The following PIKFYVE variants were observed in gnomAD, a reference collection of about 807,000 sequenced individuals.
The protein encoded by PIKFYVE is 1-phosphatidylinositol 3-phosphate 5-kinase.
In PIKFYVE, 122 loss-of-function variants were observed where a neutral mutation model predicts 257.9. That is an observed-to-expected ratio of 0.47 (90% CI 0.41 to 0.55). The LOEUF (loss-of-function observed/expected upper bound fraction) is 0.55, where lower values mean the gene tolerates loss of function less well. Ranked by LOEUF, PIKFYVE falls within the 20% of genes least tolerant of loss-of-function variation. The pLI is 0.00. For synonymous variants in PIKFYVE, 892 were observed against 868.9 expected, an observed-to-expected ratio of 1.03 and a Z score of -0.47; for missense variants, 2,160 against 2,536.6, an observed-to-expected ratio of 0.85 and a Z score of 3.19.
rs183985457 is a variant in PIKFYVE at position 208,317,609 on chromosome 2, A to G, written c.2008-258A>G. ...AACTTAAACAATAGTGTTAACTGCC[A>G]CATGGCACTAGTTTATTCAGTCAGT... On this transcript the variant is annotated intron_variant, in intron 15 of 41. Coordinates refer to ENST00000264380, the MANE Select transcript of PIKFYVE (RefSeq NM_015040.4). Among the ~76,000 whole-genome samples, 15 of 152,350 alleles carry G rather than the reference A, an allele frequency of 9.8e-5. No individual in the cohort carries two copies. In the East Asian group the frequency reaches 2.5e-3, roughly 25 times the overall value.
Position 208,312,307 on chromosome 2 carries a change from A to T in PIKFYVE, c.1696+12A>T, listed in dbSNP as rs760153080. On this transcript the variant is annotated intron_variant, in intron 13 of 41. Transcript: ENST00000264380. ...CGCTTTCATCAAAGGTAATTTTATA[A>T]AAAGCTGTATGTGGAATGGTGTCTC... The T allele has an allele frequency of 6.3e-7, 1 of 1,593,552 alleles. No homozygotes were observed. The highest frequency in any genetic ancestry group is 8.6e-7 in the Non-Finnish European group (1 of 1,163,964).
intron 20 of PIKFYVE, among the ~76,000 whole-genome samples, chr2:208,327,425 T>A (rs1697057017): frequency 1.3e-5 from 2 of 152,198 alleles, no homozygotes; most frequent in Admixed American, 1.3e-4. Flanking sequence ...CAAAGATGTT[T>A]ATTGAAACAG....
At chr2:208,337,251 T>C (rs1698224148) in intron 28 of PIKFYVE, among the ~76,000 whole-genome samples, 1 of 152,148 alleles carries the variant, frequency 6.6e-6, no homozygotes, top group Non-Finnish European at 1.5e-5. Context: ...AGGGTGCTCA[T>C]TTATTTTATA....
intron 36 of PIKFYVE, among the ~76,000 whole-genome samples, chr2:208,350,514 T>A (rs1017838411): frequency 1.3e-5 from 2 of 152,080 alleles, no homozygotes; most frequent in Non-Finnish European, 2.9e-5. Flanking sequence ...TAGAACTGAG[T>A]CTTTTTTTTA....
At chr2:208,323,060 G>A (rs970315767) in intron 17 of PIKFYVE, among the ~76,000 whole-genome samples, 1 of 150,864 alleles carries the variant, frequency 6.6e-6, no homozygotes, top group Non-Finnish European at 1.5e-5. Context: ...ATTCCATGGT[G>A]TGTATGTGCC....
chr2:208,311,709 C>T (rs925266929), intron 12 of PIKFYVE, among the ~76,000 whole-genome samples: 5 of 152,164 alleles, frequency 3.3e-5, no homozygotes, highest in Non-Finnish European at 5.9e-5. Context: ...AATACAAATA[C>T]TGATGAGTTT....
At chr2:208,335,523 G>T in intron 25 of PIKFYVE, 104 bp downstream of exon 25, 1 of 1,004,428 alleles carries the variant, frequency 1.0e-6, no homozygotes, top group Non-Finnish European at 1.5e-6. Flanking sequence ...TTTTCTAATT[G>T]TATGCTATGC....
intron 17 of PIKFYVE, among the ~76,000 whole-genome samples, chr2:208,322,236 G>A (rs146333274): frequency 1.3e-5 from 2 of 151,804 alleles, no homozygotes; most frequent in Non-Finnish European, 2.9e-5. Flanking sequence ...AAAAAATTAG[G>A]CAGGCATGGT....
At chr2:208,308,709 GTT>G (rs34169884) in intron 12 of PIKFYVE, among the ~76,000 whole-genome samples, 4 of 140,528 alleles carry the variant, frequency 2.8e-5, no homozygotes, top group African/African-American at 7.9e-5. Context: ...CTAGTAGTTG[GTT>G]TTTTTTTTTT....
chr2:208,291,130 A>G (rs996893645), intron 7 of PIKFYVE, among the ~76,000 whole-genome samples: 1 of 152,082 alleles, frequency 6.6e-6, no homozygotes, highest in African/African-American at 2.4e-5. Context: ...TGTTAGCTGT[A>G]TGTTGTTTTT....
intron 39 of PIKFYVE, 97 bp downstream of exon 39, chr2:208,352,879 T>TA: frequency 6.9e-7 from 1 of 1,453,632 alleles, no homozygotes; most frequent in South Asian, 1.2e-5. Context: ...TCTTATTTTA[T>TA]AGTAAATATT....
intron 5 of PIKFYVE, among the ~76,000 whole-genome samples, chr2:208,281,631 C>T (rs1334002145): frequency 6.6e-6 from 1 of 152,132 alleles, no homozygotes; most frequent in Non-Finnish European, 1.5e-5. Context: ...CAGTGTCTTG[C>T]AAGGCAGCTA....
At chr2:208,298,138 TG>T (rs1393610056) in intron 7 of PIKFYVE, among the ~76,000 whole-genome samples, 1 of 152,192 alleles carries the variant, frequency 6.6e-6, no homozygotes, top group Non-Finnish European at 1.5e-5. Flanking sequence ...TCTTAGTTCA[TG>T]GGCTATACAG....
rs1184823829 is a variant in PIKFYVE at position 208,355,344 on chromosome 2, G to A, written c.*39G>A. The A allele has an allele frequency of 6.5e-7, 1 of 1,527,618 alleles. No individual in the cohort carries two copies. Among genetic ancestry groups the A allele is most frequent in the Non-Finnish European group, 9.1e-7 (1 of 1,102,384 alleles). The allele number at this position is 1,527,618 out of a possible 1,614,324, so 94.6% of individuals were successfully genotyped here. A position where few individuals can be genotyped will look rare whatever the true frequency, so the allele number is the denominator to read the frequency against. On this transcript the variant is annotated 3_prime_UTR_variant, in exon 42 of 42. Transcript: ENST00000264380. The stretch of plus-strand genomic sequence containing the variant: ...TTTTGAAATGGACTGTGAAGGAAAA[G>A]GGGACAGGAACAAAGGACCAAAAAT...
chr2:208,273,894 T>G lies in PIKFYVE; in HGVS notation c.322+161T>G, dbSNP rs938047109. 3 of 1,369,376 alleles carry G rather than the reference T, an allele frequency of 2.2e-6. No individual in the cohort carries two copies. The African/African-American group carries it at 4.3e-5, about 20-fold the overall frequency. 84.8% of individuals were successfully genotyped at this position (1,369,376 alleles called of 1,614,324 possible). A position where few individuals can be genotyped will look rare whatever the true frequency, so the allele number is the denominator to read the frequency against. ...TACTGTTTAGAGTAAATAAAACTCT[T>G]ACCTCGGTAGTGAAAGAATTTATTG... On this transcript the variant is annotated intron_variant, in intron 3 of 41. Coordinates refer to ENST00000264380, the MANE Select transcript of PIKFYVE (RefSeq NM_015040.4).
chr2:208,330,060 G>C (rs1559139566), intron 22 of PIKFYVE, 147 bp downstream of exon 22: 1 of 1,179,534 alleles, frequency 8.5e-7, no homozygotes, highest in Non-Finnish European at 1.2e-6. Flanking sequence ...ATTCAAAGAA[G>C]TAATAATCTA....
rs1700122322 is a variant in PIKFYVE, at chr2:208,355,686, T to C, written c.*381T>C. 5.9e-6 allele frequency: 1 copy of C among 169,612 alleles called. No individual in the cohort carries two copies. Among genetic ancestry groups the C allele is most frequent in the Non-Finnish European group, 1.3e-5 (1 of 78,466 alleles). The allele number at this position is 169,612 out of a possible 1,614,324, so 10.5% of individuals were successfully genotyped here. On this transcript the variant is annotated 3_prime_UTR_variant, in exon 42 of 42. Coordinates refer to ENST00000264380, the MANE Select transcript of PIKFYVE (RefSeq NM_015040.4). ...CTATCCTGGCATCACATTTAACATGTTATCTACTTAGAAAGCATTTGTAGA... is the reference window on the plus strand; with the variant it reads ...CTATCCTGGCATCACATTTAACATGCTATCTACTTAGAAAGCATTTGTAGA...
intron 35 of PIKFYVE, among the ~76,000 whole-genome samples, chr2:208,348,598 A>ATGTGTG (rs1559172593): frequency 1.6e-5 from 1 of 63,982 alleles, no homozygotes; most frequent in Non-Finnish European, 3.2e-5. Flanking sequence ...AAAAAAAAAA[A>ATGTGTG]AGTGTGTGTG....
At chr2:208,285,360 G>T (rs1387110851) in intron 5 of PIKFYVE, among the ~76,000 whole-genome samples, 2 of 152,214 alleles carry the variant, frequency 1.3e-5, no homozygotes, top group Non-Finnish European at 2.9e-5. Flanking sequence ...CTCCCAAAGT[G>T]TTGGGATTAT....
Sources: allele counts gnomAD v4.1 joint callset (sites outside exome capture counted in the v4.1 genomes callset), GRCh38; gene constraint gnomAD v4.1.1; transcripts MANE v1.5; gene names NCBI Gene and HGNC (gene_info 2026-07-23, HGNC 2026-07-21).